Variants in VTI1A observed in about 807,000 individuals in gnomAD.
The protein encoded by VTI1A is vesicle transport through interaction with t-SNAREs homolog 1A.
Under a neutral mutation model 34.9 loss-of-function variants are expected in VTI1A, and 22 were observed. The observed-to-expected ratio is 0.63, with a 90% CI of 0.45 to 0.90. The LOEUF (loss-of-function observed/expected upper bound fraction) is 0.90. Ranked by LOEUF, VTI1A falls within the 40% of genes least tolerant of loss-of-function variation. VTI1A has a pLI of 0.00. For synonymous variants in VTI1A, 87 were observed against 97.3 expected, an observed-to-expected ratio of 0.89 and a Z score of 0.62; for missense variants, 268 against 275.6, an observed-to-expected ratio of 0.97 and a Z score of 0.20.
At chr10:112,520,078 C>A (rs578190433) in intron 3 of VTI1A, among the ~76,000 whole-genome samples, 2 of 151,896 alleles carry the variant, frequency 1.3e-5, no homozygotes, top group Non-Finnish European at 2.9e-5. Context: ...ATTTATAAAT[C>A]ATTAACAAAG....
intron 7 of VTI1A, among the ~76,000 whole-genome samples, chr10:112,672,444 C>T (rs1307545193): frequency 1.3e-5 from 2 of 152,100 alleles, no homozygotes. Context: ...TTTCTTCGAT[C>T]CTGACATGTG....
intron 7 of VTI1A, among the ~76,000 whole-genome samples, chr10:112,672,279 C>A (rs1315884319): frequency 6.6e-6 from 1 of 152,168 alleles, no homozygotes; most frequent in Non-Finnish European, 1.5e-5. Context: ...TTTAGTGAGA[C>A]AGCAACTGCT....
chr10:112,702,270 C>T (rs1190885931), intron 7 of VTI1A, among the ~76,000 whole-genome samples: 2 of 152,248 alleles, frequency 1.3e-5, no homozygotes, highest in Non-Finnish European at 2.9e-5. Flanking sequence ...TATCCTTCAA[C>T]AAACATGGCA....
intron 5 of VTI1A, among the ~76,000 whole-genome samples, chr10:112,552,293 TTAAG>T (rs1307592479): frequency 6.6e-6 from 1 of 152,246 alleles, no homozygotes; most frequent in Non-Finnish European, 1.5e-5. Flanking sequence ...AGAATATGTA[TTAAG>T]TTTTATTTGG....
At chr10:112,578,746 T>C (rs1843805324) in intron 5 of VTI1A, among the ~76,000 whole-genome samples, 1 of 152,210 alleles carries the variant, frequency 6.6e-6, no homozygotes, top group Non-Finnish European at 1.5e-5. Context: ...TTGAATTTGA[T>C]GTGATGGATA....
intron 7 of VTI1A, among the ~76,000 whole-genome samples, chr10:112,700,464 A>G (rs536457157): frequency 3.9e-4 from 57 of 147,154 alleles, no homozygotes; most frequent in Non-Finnish European, 6.7e-4. Context: ...CTTTCTAATC[A>G]ATCATCTTTC....
intron 5 of VTI1A, among the ~76,000 whole-genome samples, chr10:112,663,738 T>G (rs1226467491): frequency 2.6e-5 from 4 of 152,194 alleles, no homozygotes; most frequent in African/African-American, 7.2e-5. Flanking sequence ...AGATCCCTCC[T>G]GAGAAAGCTG....
chr10:112,629,595 T>C (rs1396004827), intron 5 of VTI1A, among the ~76,000 whole-genome samples: 1 of 152,232 alleles, frequency 6.6e-6, no homozygotes, highest in African/African-American at 2.4e-5. Flanking sequence ...AAACATGCTG[T>C]GATTTAGGAA....
At chr10:112,477,830 CTT>C (rs888697093) in intron 3 of VTI1A, among the ~76,000 whole-genome samples, 3 of 152,134 alleles carry the variant, frequency 2.0e-5, no homozygotes, top group African/African-American at 7.2e-5. Context: ...GAATGACTGA[CTT>C]TTTTGTTTCA....
intron 5 of VTI1A, among the ~76,000 whole-genome samples, chr10:112,603,632 G>T (rs1844962032): frequency 6.6e-6 from 1 of 151,918 alleles, no homozygotes; most frequent in African/African-American, 2.4e-5. Flanking sequence ...TATATCCTAG[G>T]AATTTCCAAA....
chr10:112,578,037 A>C (rs967292148), intron 5 of VTI1A, among the ~76,000 whole-genome samples: 1 of 152,374 alleles, frequency 6.6e-6, no homozygotes, highest in Middle Eastern at 3.4e-3. Flanking sequence ...AATGTGAAGT[A>C]ACTTTCTTAT....
At chr10:112,581,940 A>G (rs1183908526) in intron 5 of VTI1A, among the ~76,000 whole-genome samples, 1 of 152,224 alleles carries the variant, frequency 6.6e-6, no homozygotes, top group Non-Finnish European at 1.5e-5. Flanking sequence ...AACATGTTTG[A>G]TGTGCAAATG....
At chr10:112,811,553 G>A (rs1204350060) in intron 7 of VTI1A, among the ~76,000 whole-genome samples, 2 of 151,892 alleles carry the variant, frequency 1.3e-5, no homozygotes, top group Non-Finnish European at 2.9e-5. Context: ...GCGTGGTGGC[G>A]GGCGCCTGTA....
intron 3 of VTI1A, among the ~76,000 whole-genome samples, chr10:112,516,609 T>G (rs1470064084): frequency 6.7e-6 from 1 of 149,938 alleles, no homozygotes; most frequent in African/African-American, 2.5e-5. Flanking sequence ...CTCCCAAATA[T>G]AATTCATATA....
intron 7 of VTI1A, among the ~76,000 whole-genome samples, chr10:112,714,880 G>A (rs1229636973): frequency 1.3e-5 from 2 of 152,174 alleles, no homozygotes; most frequent in Non-Finnish European, 1.5e-5. Flanking sequence ...ATTATTATGA[G>A]CCAACCTTTT....
intron 5 of VTI1A, among the ~76,000 whole-genome samples, chr10:112,641,414 C>T (rs9787556): frequency 2.0e-5 from 3 of 152,020 alleles, no homozygotes; most frequent in East Asian, 3.9e-4. Flanking sequence ...CCACTCGCCG[C>T]GGCTAGGAAA....
At chr10:112,558,936 T>A (rs1386462508) in intron 5 of VTI1A, among the ~76,000 whole-genome samples, 1 of 152,122 alleles carries the variant, frequency 6.6e-6, no homozygotes, top group African/African-American at 2.4e-5. Context: ...AGAGAGAACA[T>A]TGTGGTTGCA....
At chr10:112,463,629 A>G (rs1847803621) in intron 2 of VTI1A, among the ~76,000 whole-genome samples, 1 of 147,634 alleles carries the variant, frequency 6.8e-6, no homozygotes, top group African/African-American at 2.5e-5. Context: ...CAGGTTGTTA[A>G]AAAAAAAAAA....
At chr10:112,528,089 C>T (rs1850301059) in intron 4 of VTI1A, among the ~76,000 whole-genome samples, 1 of 152,000 alleles carries the variant, frequency 6.6e-6, no homozygotes, top group Non-Finnish European at 1.5e-5. Context: ...GCCACTTTGG[C>T]AAGTAGTATA....
Sources: gnomAD v4.1 joint callset for allele counts (sites outside exome capture counted in the v4.1 genomes callset) on GRCh38, gnomAD v4.1.1 for gene constraint, MANE v1.5 for transcripts, NCBI Gene and HGNC (gene_info 2026-07-23, HGNC 2026-07-21) for gene names.